TRHDE: variants seen among roughly 807,000 people sequenced by gnomAD.
The protein encoded by TRHDE is thyrotropin releasing hormone degrading enzyme.
TRHDE carries 72 observed loss-of-function variants against 125.7 expected under a neutral mutation model. The ratio of observed to expected loss-of-function variants is 0.57; its 90% CI spans 0.47 to 0.70. The LOEUF is 0.70. Ranked by LOEUF, TRHDE falls within the 30% of genes least tolerant of loss-of-function variation. The pLI is 0.00. For missense variants in TRHDE, 1,110 were observed against 1,327.1 expected (o/e 0.84, Z 2.54); for synonymous variants, 509 against 509.1 (o/e 1.00, Z 0.00).
intron 5 of TRHDE, among the ~76,000 whole-genome samples, chr12:72,497,309 T>G (rs1877962633): frequency 6.6e-6 from 1 of 152,144 alleles, no homozygotes; most frequent in African/African-American, 2.4e-5. Context: ...ACTTTAGATT[T>G]TATTTTTTAA....
intron 6 of TRHDE, 124 bp from the exon 7 acceptor site, chr12:72,542,167 G>C (rs723867): frequency 0.32 from 188,698 of 586,744 alleles, 35,676 homozygotes; most frequent in African/African-American, 0.67. Context: ...TCATGATACT[G>C]CTGTTTCTTA....
At chr12:72,224,146 C>T (rs373113531) in intron 2 of TRHDE, among the ~76,000 whole-genome samples, 56 of 46,328 alleles carry the variant, frequency 1.2e-3, no homozygotes, top group African/African-American at 3.1e-3. Flanking sequence ...ATCTATTTAT[C>T]TATGTATGTA....
At chr12:72,248,916 G>T (rs1032963033) in intron 2 of TRHDE, among the ~76,000 whole-genome samples, 1 of 152,240 alleles carries the variant, frequency 6.6e-6, no homozygotes, top group African/African-American at 2.4e-5. Context: ...TTATTACATT[G>T]TTGGTAATTC....
chr12:72,142,658 C>T (rs780746579), intron 2 of TRHDE, among the ~76,000 whole-genome samples: 1 of 152,168 alleles, frequency 6.6e-6, no homozygotes, highest in Non-Finnish European at 1.5e-5. Flanking sequence ...ACCATGGCCC[C>T]TACCCTGCAC....
intron 2 of TRHDE, among the ~76,000 whole-genome samples, chr12:72,363,501 C>G (rs1871209449): frequency 6.6e-6 from 1 of 151,968 alleles, no homozygotes; most frequent in Non-Finnish European, 1.5e-5. Flanking sequence ...AGCATATAAA[C>G]AGAACCAAAG....
Position 72,614,449 on chromosome 12 carries a change from G to A in TRHDE, c.2322-4442G>A, listed in dbSNP as rs141569646. Among the ~76,000 whole-genome samples the A allele has an allele frequency of 1.4e-3, 218 of 150,764 alleles. 1 individual carries two copies. The highest frequency in any genetic ancestry group is 5.1e-3 in the African/African-American group (208 of 41,116). On this transcript the variant is annotated intron_variant, in intron 12 of 18. Coordinates refer to ENST00000261180, the MANE Select transcript of TRHDE (RefSeq NM_013381.3). ...ACTATTGGGATTTCCAATCTGTACCGTAAAAGATTTTCCCACAAAGAGCAT... is the reference window on the plus strand; with the variant it reads ...ACTATTGGGATTTCCAATCTGTACCATAAAAGATTTTCCCACAAAGAGCAT...
chr12:72,105,128 G>A (rs1875154982), intron 1 of TRHDE, among the ~76,000 whole-genome samples: 1 of 152,154 alleles, frequency 6.6e-6, no homozygotes, highest in Non-Finnish European at 1.5e-5. Context: ...CCATGTTTGA[G>A]GGAACATTTT....
At chr12:72,371,983 G>C (rs1426823126) in intron 2 of TRHDE, among the ~76,000 whole-genome samples, 1 of 152,150 alleles carries the variant, frequency 6.6e-6, no homozygotes, top group Admixed American at 6.5e-5. Flanking sequence ...TTCCACAATG[G>C]TTGAACTAGT....
chr12:72,558,481 G>A (rs1049274312), intron 7 of TRHDE, among the ~76,000 whole-genome samples: 2 of 152,168 alleles, frequency 1.3e-5, no homozygotes, highest in Non-Finnish European at 2.9e-5. Flanking sequence ...TGGGATTTGA[G>A]AAATACAGAG....
intron 9 of TRHDE, among the ~76,000 whole-genome samples, chr12:72,564,674 T>G: frequency 8.1e-6 from 1 of 123,822 alleles, no homozygotes. Context: ...TTTTTTTTTT[T>G]TTTTTTTTTT....
chr12:72,146,648 T>G (rs1876233678), intron 2 of TRHDE, among the ~76,000 whole-genome samples: 1 of 152,054 alleles, frequency 6.6e-6, no homozygotes, highest in African/African-American at 2.4e-5. Flanking sequence ...CCTCGGCAAG[T>G]GCTCCTGCTC....
chr12:72,643,450 T>C lies in TRHDE; in HGVS notation c.2676-8872T>C, dbSNP rs147173135. 4.6e-5 allele frequency among the ~76,000 whole-genome samples: 7 copies of C among 152,272 alleles called. No homozygotes were observed. In the East Asian group the frequency reaches 1.4e-3, roughly 29 times the overall value. ...TGTAAAGCACATTCAAAGTATGCAG[T>C]CTTTCTCTTGATTTGAGGCTACAGA... On this transcript the variant is annotated intron_variant, in intron 15 of 18. Transcript: ENST00000261180.
At chr12:72,195,365 C>T (rs887142772) in intron 2 of TRHDE, among the ~76,000 whole-genome samples, 2 of 152,074 alleles carry the variant, frequency 1.3e-5, no homozygotes, top group African/African-American at 4.8e-5. Context: ...ACATTCCCAC[C>T]AGCAGTGAGT....
chr12:72,254,638 TGGAAA>T, intron 2 of TRHDE: 1 of 152,132 alleles, frequency 6.6e-6, no homozygotes, highest in Non-Finnish European at 1.5e-5. Flanking sequence ...ATAGAAACAA[TGGAAA>T]AGAAAAGAAT....
chr12:72,238,275 A>AATATATATATATATAT (rs71071820), intron 2 of TRHDE, among the ~76,000 whole-genome samples: 3 of 38,232 alleles, frequency 7.8e-5, no homozygotes, highest in African/African-American at 1.4e-4. Context: ...TCAGATCCTT[A>AATATATATATATATAT]ATATATATAT....
At chr12:72,216,823 T>C (rs1267025373) in intron 2 of TRHDE, among the ~76,000 whole-genome samples, 2 of 152,180 alleles carry the variant, frequency 1.3e-5, no homozygotes, top group Non-Finnish European at 2.9e-5. Flanking sequence ...GAATTTCCTA[T>C]TATGAATAAT....
chr12:72,459,182 A>T (rs1876010191), intron 3 of TRHDE, among the ~76,000 whole-genome samples: 1 of 151,530 alleles, frequency 6.6e-6, no homozygotes, highest in Non-Finnish European at 1.5e-5. Flanking sequence ...TCTGACACTG[A>T]CTCTCCTCCC....
chr12:72,652,935 C>A, intron 16 of TRHDE, 81 bp from the exon 17 acceptor site: 2 of 1,179,204 alleles, frequency 1.7e-6, no homozygotes, highest in Non-Finnish European at 2.4e-6. Context: ...ATATGACAAA[C>A]TAGGTCCTAT....
chr12:72,592,035 GA>G lies in TRHDE; in HGVS notation c.2321+16502del, dbSNP rs34838567. ...TTTGCAAATTTTTTTCATTAAATTT[GA>G]AAAAAAAAGCTTGGCTTTTAATTGG... On this transcript the variant is annotated intron_variant, in intron 12 of 18. Transcript: ENST00000261180. Among the ~76,000 whole-genome samples, 17 of 147,516 alleles carry G rather than the reference GA, an allele frequency of 1.2e-4. 1 individual carries two copies. Among genetic ancestry groups the G allele is most frequent in the South Asian group, 4.3e-4 (2 of 4,676 alleles).
Sources: allele counts gnomAD v4.1 joint callset (sites outside exome capture counted in the v4.1 genomes callset), GRCh38; gene constraint gnomAD v4.1.1; transcripts MANE v1.5; gene names NCBI Gene and HGNC (gene_info 2026-07-23, HGNC 2026-07-21).